CACHD1: variants seen among roughly 807,000 people sequenced by gnomAD.
CACHD1 encodes the protein VWFA and cache domain-containing protein 1.
CACHD1 carries 71 observed loss-of-function variants against 138.7 expected under a neutral mutation model. That is an observed-to-expected ratio of 0.51 (90% CI 0.42 to 0.62). The LOEUF (loss-of-function observed/expected upper bound fraction) is 0.62. Ranked by LOEUF, CACHD1 falls within the 20% of genes least tolerant of loss-of-function variation. The pLI, the probability that CACHD1 is intolerant of heterozygous loss-of-function variation, is 0.00. For missense variants in CACHD1, 1,389 were observed against 1,625.3 expected (o/e 0.85, Z 2.50); for synonymous variants, 578 against 591.5 (o/e 0.98, Z 0.33).
chr1:64,483,039 T>G (rs1188237542), intron 1 of CACHD1, among the ~76,000 whole-genome samples: 1 of 152,192 alleles, frequency 6.6e-6, no homozygotes, highest in Admixed American at 6.5e-5. Flanking sequence ...CAAATTTAGC[T>G]TTTACTACTG....
chr1:64,512,393 C>CAAA (rs551616431), intron 1 of CACHD1, among the ~76,000 whole-genome samples: 962 of 78,564 alleles, frequency 0.012, 167 homozygotes, highest in African/African-American at 0.05. Context: ...GACTGTGTCT[C>CAAA]AAAAAAAAAA....
Position 64,679,689 on chromosome 1 carries a change from G to C in CACHD1, c.3339G>C (p.Ala1113=), listed in dbSNP as rs748819327. Reference sequence around the variant, plus strand: ...GATGCATCATGGTCTTGGTCCTGGCGGTGTATGCCTACCGCCACCAGATTC... The same window carrying C: ...GATGCATCATGGTCTTGGTCCTGGCCGTGTATGCCTACCGCCACCAGATTC... ...IMGCIMVLVL[A]VYAYRHQIHR... is the part of the protein sequence containing the mutation. Residue 1113 remains alanine, a synonymous_variant, in exon 24 of 27, where the codon GCG becomes GCC. Transcript: ENST00000651257. 7 of 1,614,144 alleles carry C rather than the reference G, an allele frequency of 4.3e-6. No homozygotes were observed. In the South Asian group the frequency reaches 7.7e-5, roughly 18 times the overall value.
At chr1:64,543,753 C>T (rs999328954) in intron 1 of CACHD1, among the ~76,000 whole-genome samples, 23 of 151,592 alleles carry the variant, frequency 1.5e-4, no homozygotes, top group African/African-American at 4.8e-4. Context: ...GGAGGGTTCC[C>T]TTCAAACCTG....
rs188813050 is a variant in CACHD1 at position 64,504,174 on chromosome 1, G to A, written c.198+33232G>A. On this transcript the variant is annotated intron_variant, in intron 1 of 26. Transcript: ENST00000651257. The stretch of plus-strand genomic sequence containing the variant: ...CTCCCAAGTAGCTAGGACTACTGGC[G>A]TGTGCTACCATGCCTGGCTAATTTT... Among the ~76,000 whole-genome samples the A allele has an allele frequency of 7.3e-4, 111 of 152,210 alleles. 1 individual carries two copies. The East Asian group carries it at 0.013, about 18-fold the overall frequency.
At chr1:64,679,547 C>G (rs968513114) in intron 23 of CACHD1, 48 bp from the exon 24 acceptor site, 2 of 1,602,620 alleles carry the variant, frequency 1.2e-6, no homozygotes, top group African/African-American at 2.7e-5. Context: ...CTTTCTTCCC[C>G]ACTTGGGAAA....
At chr1:64,512,393 C>CAAAAAAAAAAAAAAAAAAAAAAAAA (rs551616431) in intron 1 of CACHD1, among the ~76,000 whole-genome samples, 9 of 78,598 alleles carry the variant, frequency 1.1e-4, no homozygotes, top group African/African-American at 5.1e-4. Flanking sequence ...GACTGTGTCT[C>CAAAAAAAAAAAAAAAAAAAAAAAAA]AAAAAAAAAA....
chr1:64,607,992 A>C (rs1200343842), intron 4 of CACHD1, among the ~76,000 whole-genome samples: 1 of 152,206 alleles, frequency 6.6e-6, no homozygotes, highest in Non-Finnish European at 1.5e-5. Context: ...AAGAGAGTTC[A>C]GATAGTTTGA....
chr1:64,548,984 T>C (rs1260100992), intron 1 of CACHD1, among the ~76,000 whole-genome samples: 1 of 152,218 alleles, frequency 6.6e-6, no homozygotes, highest in African/African-American at 2.4e-5. Context: ...GAAGTCATAT[T>C]GCCTGGGTTC....
At chr1:64,655,206 G>T (rs552400371) in intron 12 of CACHD1, among the ~76,000 whole-genome samples, 2 of 152,278 alleles carry the variant, frequency 1.3e-5, no homozygotes, top group East Asian at 3.9e-4. Flanking sequence ...GGTTGAAGCT[G>T]CAGTGAGCCA....
chr1:64,474,043 A>G (rs768503086), intron 1 of CACHD1, among the ~76,000 whole-genome samples: 2 of 152,224 alleles, frequency 1.3e-5, no homozygotes, highest in Non-Finnish European at 2.9e-5. Context: ...CTGCCTACTC[A>G]TGATTTTTGT....
chr1:64,561,921 A>G (rs936606383), intron 2 of CACHD1, among the ~76,000 whole-genome samples: 6 of 65,920 alleles, frequency 9.1e-5, no homozygotes, highest in African/African-American at 2.0e-4. Flanking sequence ...TGCTTTAGAT[A>G]GAATTCTGAA....
intron 1 of CACHD1, among the ~76,000 whole-genome samples, chr1:64,509,106 C>CT (rs915923063): frequency 1.8e-4 from 27 of 152,138 alleles, no homozygotes; most frequent in Non-Finnish European, 2.8e-4. Context: ...TTCATACTCT[C>CT]TTTTTTTCTC....
At position 64,549,942 on chromosome 1, in the gene CACHD1, T is replaced by C. The variant is rs1646746632; in HGVS notation, c.199-652T>C. On this transcript the variant is annotated intron_variant, in intron 1 of 26. Coordinates refer to ENST00000651257, the MANE Select transcript of CACHD1 (RefSeq NM_020925.4). ...GCAGAGACATTTTAAATAGAGGCAA[T>C]GTATGGAGGAGTAGGTACCATCTAG... Among the ~76,000 whole-genome samples, 6 of 152,200 alleles carry C rather than the reference T, an allele frequency of 3.9e-5. No homozygotes were observed. The South Asian group carries it at 1.2e-3, about 32-fold the overall frequency.
intron 2 of CACHD1, among the ~76,000 whole-genome samples, chr1:64,577,365 A>T (rs1287790111): frequency 6.6e-6 from 1 of 152,202 alleles, no homozygotes; most frequent in African/African-American, 2.4e-5. Context: ...TCTAATTCTT[A>T]TTATAAAGTA....
At position 64,658,786 on chromosome 1, in the gene CACHD1, G is replaced by C; in HGVS notation, c.1864G>C (p.Val622Leu). 1 of 1,607,336 alleles carries C rather than the reference G, an allele frequency of 6.2e-7. No individual in the cohort carries two copies. The highest frequency in any genetic ancestry group is 8.5e-7 in the Non-Finnish European group (1 of 1,176,008). Reference protein sequence around the residue: ...PVKQLKNLNTVPSSKLLYHRL... With the variant: ...PVKQLKNLNTLPSSKLLYHRL... The stretch of plus-strand genomic sequence containing the variant: ...GAAACAACTGAAGAACCTCAACACT[G>C]TTCCCAGCAGCAAGCTGCTGTACCA... The change falls in exon 13 of 27, where the codon GTT (valine) becomes CTT (leucine). Residue 622 changes from valine (V) to leucine (L), a missense_variant. Coordinates refer to ENST00000651257, the MANE Select transcript of CACHD1 (RefSeq NM_020925.4).
intron 1 of CACHD1, among the ~76,000 whole-genome samples, chr1:64,484,272 G>T (rs772410729): frequency 1.3e-5 from 2 of 151,898 alleles, no homozygotes; most frequent in African/African-American, 2.4e-5. Context: ...GGAGAGGTTG[G>T]GAGGGGACTT....
chr1:64,517,534 A>C (rs746277832), intron 1 of CACHD1, among the ~76,000 whole-genome samples: 41 of 152,170 alleles, frequency 2.7e-4, no homozygotes, highest in Non-Finnish European at 5.4e-4. Context: ...GCAAGAACTC[A>C]AGGGGAGACA....
Position 64,634,235 on chromosome 1 carries a change from A to C in CACHD1, c.981A>C (p.Thr327=). The change falls in exon 7 of 27, where the codon ACA becomes ACC. Residue 327 remains threonine, a synonymous_variant. Coordinates refer to ENST00000651257, the MANE Select transcript of CACHD1 (RefSeq NM_020925.4). ...FQKAFQLIRS[T]NNNTKFQANT... ...AGGCATTTCAGCTGATTCGAAGTAC[A>C]AACAATAACACAAAGTTCCAAGCAA... is the stretch of plus-strand genomic sequence containing the variant. 1 of 1,614,016 alleles carries C rather than the reference A, an allele frequency of 6.2e-7. No homozygotes were observed. The highest frequency in any genetic ancestry group is 8.5e-7 in the Non-Finnish European group (1 of 1,179,962).
intron 4 of CACHD1, chr1:64,613,392 A>G (rs879506451): frequency 7.2e-5 from 11 of 152,146 alleles, no homozygotes; most frequent in Admixed American, 7.2e-4. Flanking sequence ...ATAAATATAA[A>G]AAGACTATAG....
Sources: allele counts gnomAD v4.1 joint callset (sites outside exome capture counted in the v4.1 genomes callset), GRCh38; gene constraint gnomAD v4.1.1; transcripts MANE v1.5; gene names NCBI Gene and HGNC (gene_info 2026-07-23, HGNC 2026-07-21).